Variants in FER observed in about 807,000 individuals in gnomAD.
FER encodes tyrosine-protein kinase Fer.
Under a neutral mutation model 111.0 loss-of-function variants are expected in FER, and 63 were observed. That is an observed-to-expected ratio of 0.57 (90% CI 0.46 to 0.70). The LOEUF is 0.70. Among genes scored for constraint, FER ranks in the 30% least tolerant of loss-of-function variants. The pLI, the probability that FER is intolerant of heterozygous loss-of-function variation, is 0.00. For synonymous variants in FER, 327 were observed against 313.9 expected (o/e 1.04, Z -0.44); for missense variants, 914 against 954.0 (o/e 0.96, Z 0.55).
intron 10 of FER, among the ~76,000 whole-genome samples, chr5:108,945,589 TATC>T (rs1412451899): frequency 2.0e-5 from 3 of 150,342 alleles, no homozygotes; most frequent in African/African-American, 7.3e-5. Flanking sequence ...TTCTCCTCCT[TATC>T]ATCAGGATCA....
At chr5:109,013,614 C>A (rs1766618979) in intron 13 of FER, among the ~76,000 whole-genome samples, 1 of 150,914 alleles carries the variant, frequency 6.6e-6, no homozygotes, top group Admixed American at 6.6e-5. Flanking sequence ...ATGGCTGGGT[C>A]AAATGGTATT....
chr5:108,844,061 T>TATATATGTGTGTGAAC (rs1761572147), intron 5 of FER, among the ~76,000 whole-genome samples: 5 of 90,052 alleles, frequency 5.6e-5, no homozygotes, highest in Middle Eastern at 5.9e-3. Flanking sequence ...TGTGTGAACA[T>TATATATGTGTGTGAAC]ATATATGTGT....
At chr5:109,132,616 G>A (rs1243732575) in intron 17 of FER, among the ~76,000 whole-genome samples, 2 of 152,152 alleles carry the variant, frequency 1.3e-5, no homozygotes, top group Non-Finnish European at 2.9e-5. Flanking sequence ...AATGCCTAGT[G>A]TCTGAGGAAA....
chr5:108,844,061 T>TATATGCGTGTGAAC (rs1561500036), intron 5 of FER, among the ~76,000 whole-genome samples: 12 of 90,040 alleles, frequency 1.3e-4, no homozygotes, highest in South Asian at 1.2e-3. Context: ...TGTGTGAACA[T>TATATGCGTGTGAAC]ATATATGTGT....
chr5:109,071,713 G>A (rs900790118), intron 16 of FER, among the ~76,000 whole-genome samples: 2 of 151,626 alleles, frequency 1.3e-5, no homozygotes, highest in Non-Finnish European at 3.0e-5. Context: ...GAGGACACGG[G>A]GAATTTTTAT....
intron 2 of FER, among the ~76,000 whole-genome samples, chr5:108,787,327 C>T (rs73207513): frequency 0.033 from 5,029 of 152,088 alleles, 260 homozygotes; most frequent in African/African-American, 0.11. Context: ...GGAGGGGGGC[C>T]GCAGGGGCTG....
At chr5:108,879,701 A>AAAAT in intron 8 of FER, among the ~76,000 whole-genome samples, 16 of 99,096 alleles carry the variant, frequency 1.6e-4, no homozygotes, top group South Asian at 6.3e-4. Flanking sequence ...ATTAAAAAAA[A>AAAAT]ATATATATAT....
chr5:109,037,957 A>C (rs1373025833), intron 14 of FER, among the ~76,000 whole-genome samples: 1 of 151,912 alleles, frequency 6.6e-6, no homozygotes, highest in African/African-American at 2.4e-5. Context: ...TTCAATCTAA[A>C]AATGTGGACA....
chr5:108,814,254 A>G (rs1394694259), intron 3 of FER, among the ~76,000 whole-genome samples: 1 of 152,028 alleles, frequency 6.6e-6, no homozygotes, highest in Non-Finnish European at 1.5e-5. Context: ...TTTTTAATTT[A>G]TTTTACAGGA....
At chr5:109,020,750 CTG>C (rs1426802244) in intron 13 of FER, among the ~76,000 whole-genome samples, 3 of 152,050 alleles carry the variant, frequency 2.0e-5, no homozygotes, top group Admixed American at 6.6e-5. Flanking sequence ...TTTATGAACA[CTG>C]TAAAAAGACC....
rs74724052 is a variant in FER, at chr5:109,113,563, C to A, written c.2048+13044C>A. 2.6e-3 allele frequency among the ~76,000 whole-genome samples: 397 copies of A among 152,232 alleles called. 4 individuals carry two copies. Among genetic ancestry groups the A allele is most frequent in the African/African-American group, 7.8e-3 (322 of 41,540 alleles). On this transcript the variant is annotated intron_variant, in intron 17 of 19. Coordinates refer to ENST00000281092, the MANE Select transcript of FER (RefSeq NM_005246.4). ...TTTTCATAGGAAACTCTTCAAGCTA[C>A]TGAGTTCTTCTGAAGTTGTTTAAAT...
At chr5:108,898,010 T>G (rs192768763) in intron 10 of FER, among the ~76,000 whole-genome samples, 162 bp downstream of exon 10, 96 of 152,342 alleles carry the variant, frequency 6.3e-4, no homozygotes, top group African/African-American at 2.3e-3. Flanking sequence ...GTCAGTCACC[T>G]CAGGTCACCT....
chr5:108,792,294 CT>C (rs1264271862), intron 2 of FER, among the ~76,000 whole-genome samples: 1 of 152,152 alleles, frequency 6.6e-6, no homozygotes, highest in African/African-American at 2.4e-5. Context: ...AATATTAAAT[CT>C]TTTGATCTGT....
chr5:108,860,817 A>G lies in FER; in HGVS notation c.482-6950A>G, dbSNP rs113441096. Among the ~76,000 whole-genome samples the G allele has an allele frequency of 6.8e-3, 1,035 of 152,290 alleles. 14 individuals are homozygous for G. Among genetic ancestry groups the G allele is most frequent in the African/African-American group, 0.023 (973 of 41,560 alleles). On this transcript the variant is annotated intron_variant, in intron 5 of 19. Coordinates refer to ENST00000281092, the MANE Select transcript of FER (RefSeq NM_005246.4). ...AGAGGTTTAATTGGCTCACAGTTCC[A>G]CATTGCTGGGGAGGCCTCAGGAAAC...
At chr5:108,789,077 C>T (rs915129295) in intron 2 of FER, among the ~76,000 whole-genome samples, 10 of 152,146 alleles carry the variant, frequency 6.6e-5, no homozygotes, top group African/African-American at 4.8e-5. Context: ...GTTTATTGAA[C>T]GATAACATAC....
At chr5:109,069,654 G>T (rs1375115543) in intron 16 of FER, among the ~76,000 whole-genome samples, 1 of 152,110 alleles carries the variant, frequency 6.6e-6, no homozygotes. Context: ...ATAGGTTCTG[G>T]TAGTATTCCA....
At chr5:109,136,076 C>T (rs570997876) in intron 17 of FER, among the ~76,000 whole-genome samples, 2 of 151,304 alleles carry the variant, frequency 1.3e-5, no homozygotes, top group South Asian at 2.1e-4. Flanking sequence ...GGCAACATGG[C>T]GAAACCCTGT....
At chr5:108,880,024 T>C (rs1276320108) in intron 8 of FER, among the ~76,000 whole-genome samples, 1 of 152,040 alleles carries the variant, frequency 6.6e-6, no homozygotes, top group Non-Finnish European at 1.5e-5. Context: ...CTGTATAATT[T>C]TATTCTTCTA....
chr5:108,864,281 T>C (rs148461824), intron 5 of FER, among the ~76,000 whole-genome samples: 1 of 152,246 alleles, frequency 6.6e-6, no homozygotes, highest in African/African-American at 2.4e-5. Flanking sequence ...GAAGGTTTGT[T>C]TCTGTTTATA....
Sources: gnomAD v4.1 joint callset for allele counts (sites outside exome capture counted in the v4.1 genomes callset) on GRCh38, gnomAD v4.1.1 for gene constraint, MANE v1.5 for transcripts, NCBI Gene and HGNC (gene_info 2026-07-23, HGNC 2026-07-21) for gene names.